The following TMEM101 variants were observed in gnomAD, a reference collection of about 807,000 sequenced individuals.
TMEM101 encodes the protein putative NF-kappa-B-activating protein 130.
TMEM101 carries 14 observed loss-of-function variants against 26.0 expected under a neutral mutation model. The observed-to-expected ratio is 0.54, with a 90% CI of 0.36 to 0.84. TMEM101 has a LOEUF of 0.84. Ranked by LOEUF, TMEM101 falls within the 40% of genes least tolerant of loss-of-function variation. The pLI, the probability that TMEM101 is intolerant of heterozygous loss-of-function variation, is 0.01. For synonymous variants in TMEM101, 152 were observed against 145.1 expected (o/e 1.05, Z -0.34); for missense variants, 292 against 345.1 (o/e 0.85, Z 1.22).
Position 44,011,771 on chromosome 17 carries a change from T to C in TMEM101, c.*157A>G. The C allele has an allele frequency of 1.3e-6, 1 of 786,792 alleles. No homozygotes were observed. Among genetic ancestry groups the C allele is most frequent in the Non-Finnish European group, 2.0e-6 (1 of 508,732 alleles). The allele number at this position is 786,792 out of a possible 1,614,324, so 48.7% of individuals were successfully genotyped here. A position where few individuals can be genotyped will look rare whatever the true frequency, so the allele number is the denominator to read the frequency against. On this transcript the variant is annotated 3_prime_UTR_variant, in exon 4 of 4. Transcript: ENST00000206380. ...CGCTGAGCCCAGAAATTTGGACAAA[T>C]GAGCTGCCTCTTAACTGCAAAAAAC...
At chr17:44,014,670 AC>A in intron 1 of TMEM101, 133 bp from the exon 2 acceptor site, 1 of 1,493,390 alleles carries the variant, frequency 6.7e-7, no homozygotes, top group Non-Finnish European at 9.1e-7. Flanking sequence ...GGACCGCCCT[AC>A]CAGATTTGGT....
upstream of TMEM101, among the ~76,000 whole-genome samples, chr17:44,018,825 C>A (rs919095629): frequency 4.6e-5 from 7 of 152,162 alleles, no homozygotes; most frequent in African/African-American, 1.7e-4. Context: ...GTACCCACTG[C>A]GCCCCTTCTC....
At chr17:44,017,436 C>CA (rs71160077), upstream of TMEM101, among the ~76,000 whole-genome samples, 84,768 of 150,294 alleles carry the variant, frequency 0.56, 25,443 homozygotes, top group East Asian at 0.92. Context: ...ACTAAAAATA[C>CA]AAAAAAAATT....
upstream of TMEM101, among the ~76,000 whole-genome samples, chr17:44,017,711 C>A (rs144663106): frequency 6.6e-6 from 1 of 150,480 alleles, no homozygotes; most frequent in East Asian, 2.0e-4. Context: ...TGGAGTGAGC[C>A]AAGTTCGCGC....
upstream of TMEM101, among the ~76,000 whole-genome samples, chr17:44,018,394 G>A (rs1002588511): frequency 6.6e-6 from 1 of 152,212 alleles, no homozygotes; most frequent in African/African-American, 2.4e-5. Flanking sequence ...TTGTATACGT[G>A]TATGTTGGAG....
intron 2 of TMEM101, among the ~76,000 whole-genome samples, chr17:44,013,532 G>A (rs550864480): frequency 3.9e-5 from 6 of 152,272 alleles, no homozygotes; most frequent in South Asian, 2.1e-4. Context: ...GGGGAAGGGC[G>A]CCTGTAATCC....
At chr17:44,020,588 G>T (rs228785) in intron 2 of TMEM101, among the ~76,000 whole-genome samples, 2 of 152,082 alleles carry the variant, frequency 1.3e-5, no homozygotes, top group Admixed American at 1.3e-4. Context: ...CAGGCGTGGC[G>T]ACATGCACCT....
At chr17:44,020,853 G>A (rs2049278023) in intron 2 of TMEM101, among the ~76,000 whole-genome samples, 1 of 152,250 alleles carries the variant, frequency 6.6e-6, no homozygotes, top group Non-Finnish European at 1.5e-5. Context: ...CACAGAGCCA[G>A]CACTGACTGC....
upstream of TMEM101, among the ~76,000 whole-genome samples, chr17:44,017,402 C>T (rs531916134): frequency 8.5e-4 from 127 of 149,326 alleles, 1 homozygote; most frequent in Non-Finnish European, 1.3e-3. Flanking sequence ...ACCATCCTGA[C>T]TAACACAGTG....
chr17:44,013,122 C>T lies in TMEM101; in HGVS notation c.352G>A (p.Gly118Ser), dbSNP rs1472880071. Residue 118 changes from glycine to serine, a missense_variant, in exon 3 of 4, where the codon GGC becomes AGC. Around this residue, in one of 2 missense-constraint regions of TMEM101, gnomAD observed 149 missense variants for 211.9 expected, o/e 0.70. Coordinates refer to ENST00000206380, the MANE Select transcript of TMEM101 (RefSeq NM_032376.4). ...CCGCTGGCCAACACAAGAAAGCCGC[C>T]GATGATGGCAACTGTGCGCGAGTAC... is the stretch of plus-strand genomic sequence containing the variant. ...RMYSRTVAIIGGFLVLASGAG... is the reference protein window; with the variant it reads ...RMYSRTVAIISGFLVLASGAG... The T allele has an allele frequency of 3.7e-6, 6 of 1,605,552 alleles. No homozygotes were observed. Among genetic ancestry groups the T allele is most frequent in the African/African-American group, 1.3e-5 (1 of 74,920 alleles).
Position 44,011,778 on chromosome 17 carries a change from C to T in TMEM101, c.*150G>A, listed in dbSNP as rs1158291930. ...CCCAGAAATTTGGACAAATGAGCTGCCTCTTAACTGCAAAAAACAATTTTA... is the reference window on the plus strand; with the variant it reads ...CCCAGAAATTTGGACAAATGAGCTGTCTCTTAACTGCAAAAAACAATTTTA... On this transcript the variant is annotated 3_prime_UTR_variant, in exon 4 of 4. Transcript: ENST00000206380. The T allele has an allele frequency of 2.4e-6, 2 of 832,398 alleles. No homozygotes were observed. Among genetic ancestry groups the T allele is most frequent in the Non-Finnish European group, 3.6e-6 (2 of 549,036 alleles). 51.6% of individuals were successfully genotyped at this position (832,398 alleles called of 1,614,324 possible). A position where few individuals can be genotyped will look rare whatever the true frequency, so the allele number is the denominator to read the frequency against.
At chr17:44,016,287 C>G (rs896203991), upstream of TMEM101, among the ~76,000 whole-genome samples, 3 of 152,146 alleles carry the variant, frequency 2.0e-5, no homozygotes, top group African/African-American at 7.2e-5. Flanking sequence ...ATTCTCCTGC[C>G]TCAGCTTCCC....
chr17:44,022,641 GTTCAAA>G (rs2049295898), intron 1 of TMEM101, among the ~76,000 whole-genome samples: 1 of 152,118 alleles, frequency 6.6e-6, no homozygotes, highest in Admixed American at 6.5e-5. Context: ...ACGCACAAAG[GTTCAAA>G]TTGCACTAAT....
In TMEM101 at chr17:44,014,923, C is replaced by T; in HGVS notation, c.30G>A (p.Trp10Ter). Residue 10 changes from tryptophan (W) to a stop codon, truncating the protein, a stop_gained, in exon 1 of 4, where the codon TGG becomes TGA. Coordinates refer to ENST00000206380, the MANE Select transcript of TMEM101 (RefSeq NM_032376.4). LOFTEE classifies it high-confidence loss of function. MASKIGSRR[W>*]MLQLIMQLGS... is the part of the protein sequence containing the mutation. ...CCAACTGCATGATCAGCTGCAACATCCACCGTCTCGAACCTATCTTCGACG... is the reference window on the plus strand; with the variant it reads ...CCAACTGCATGATCAGCTGCAACATTCACCGTCTCGAACCTATCTTCGACG... 1 of 1,613,822 alleles carries T rather than the reference C, an allele frequency of 6.2e-7. No individual in the cohort carries two copies. Among genetic ancestry groups the T allele is most frequent in the African/African-American group, 1.3e-5 (1 of 75,058 alleles).
upstream of TMEM101, chr17:44,015,054 C>T: frequency 6.9e-7 from 1 of 1,455,732 alleles, no homozygotes; most frequent in Non-Finnish European, 9.2e-7. Flanking sequence ...TTTTTCCTCC[C>T]GGAAACAACG....
upstream of TMEM101, among the ~76,000 whole-genome samples, chr17:44,018,344 G>A (rs1478548742): frequency 6.6e-6 from 1 of 152,110 alleles, no homozygotes; most frequent in Admixed American, 6.6e-5. Flanking sequence ...AAAAAAACAC[G>A]AGAGAGGAAC....
At chr17:44,012,544 T>C in intron 3 of TMEM101, 1 of 416,898 alleles carries the variant, frequency 2.4e-6, no homozygotes, top group East Asian at 3.7e-5. Flanking sequence ...TACTCGGTAA[T>C]TAAGATAAGA....
chr17:44,014,492 T>C lies in TMEM101; in HGVS notation c.183A>G (p.Ala61=). 1 of 1,568,796 alleles carries C rather than the reference T, an allele frequency of 6.4e-7. No individual in the cohort carries two copies. The highest frequency in any genetic ancestry group is 1.3e-5 in the African/African-American group (1 of 74,332). The change falls in exon 2 of 4, where the codon GCA becomes GCG. Residue 61 remains alanine, a synonymous_variant. Coordinates refer to ENST00000206380, the MANE Select transcript of TMEM101 (RefSeq NM_032376.4). ...PVPYLYFDMG[A]AVLCASFMSF... ...ACATGAAACTAGCGCACAGCACGGCTGCCCCCATGTCGAAATACAGGTAAG... is the reference window on the plus strand; with the variant it reads ...ACATGAAACTAGCGCACAGCACGGCCGCCCCCATGTCGAAATACAGGTAAG...
chr17:44,011,667 C>T lies in TMEM101; in HGVS notation c.*261G>A, dbSNP rs2049158962. On this transcript the variant is annotated 3_prime_UTR_variant, in exon 4 of 4. Coordinates refer to ENST00000206380, the MANE Select transcript of TMEM101 (RefSeq NM_032376.4). ...ACTCCCTTCTCAGGGACAGGAGACTCAGTGGGCAGCTGGCCTCAGCTCTCC... is the reference window on the plus strand; with the variant it reads ...ACTCCCTTCTCAGGGACAGGAGACTTAGTGGGCAGCTGGCCTCAGCTCTCC... 6.1e-6 allele frequency: 3 copies of T among 489,326 alleles called. No homozygotes were observed. Among genetic ancestry groups the T allele is most frequent in the South Asian group, 5.3e-5 (2 of 37,780 alleles). 30.3% of individuals were successfully genotyped at this position (489,326 alleles called of 1,614,324 possible). A position where few individuals can be genotyped will look rare whatever the true frequency, so the allele number is the denominator to read the frequency against.
Sources: allele counts gnomAD v4.1 joint callset (sites outside exome capture counted in the v4.1 genomes callset), GRCh38; gene constraint gnomAD v4.1.1; regional missense constraint gnomAD v4.1.1; transcripts MANE v1.5; gene names NCBI Gene and HGNC (gene_info 2026-07-23, HGNC 2026-07-21).